Variants in PLEKHA8 observed in about 807,000 individuals in gnomAD.
PLEKHA8 encodes pleckstrin homology domain containing A8, also known as pleckstrin homology domain-containing family A member 8.
In PLEKHA8, 36 loss-of-function variants were observed where a neutral mutation model predicts 68.2. The observed-to-expected ratio is 0.53, with a 90% CI of 0.40 to 0.70. The LOEUF (loss-of-function observed/expected upper bound fraction) is 0.70, where lower values mean the gene tolerates loss of function less well. Among genes scored for constraint, PLEKHA8 ranks in the 30% least tolerant of loss-of-function variants. PLEKHA8 has a pLI of 0.00. For synonymous variants in PLEKHA8, 211 were observed against 216.1 expected (o/e 0.98, Z 0.20); for missense variants, 505 against 615.4 (o/e 0.82, Z 1.90).
intron 13 of PLEKHA8, among the ~76,000 whole-genome samples, chr7:30,109,768 C>T (rs970745395): frequency 6.6e-6 from 1 of 150,944 alleles, no homozygotes; most frequent in African/African-American, 2.4e-5. Context: ...GCCTCCCGGG[C>T]TCAAGCAATC....
At chr7:30,058,618 C>G (rs547350690) in intron 9 of PLEKHA8, among the ~76,000 whole-genome samples, 2 of 152,082 alleles carry the variant, frequency 1.3e-5, no homozygotes, top group East Asian at 3.9e-4. Flanking sequence ...TCTGGACTCT[C>G]TTTTCTGTTC....
chr7:30,030,358 C>T (rs1467537840), intron 1 of PLEKHA8, among the ~76,000 whole-genome samples: 1 of 152,088 alleles, frequency 6.6e-6, no homozygotes, highest in Non-Finnish European at 1.5e-5. Context: ...TCTCTTGATA[C>T]AGTAACTATT....
intron 13 of PLEKHA8, chr7:30,118,164 C>T (rs1202283393): frequency 3.2e-6 from 2 of 629,830 alleles, no homozygotes; most frequent in South Asian, 3.7e-5. Flanking sequence ...GAGATGCCTC[C>T]TGGAGAGAAG....
chr7:30,074,236 A>G, intron 13 of PLEKHA8, 104 bp downstream of exon 13: 1 of 964,446 alleles, frequency 1.0e-6, no homozygotes, highest in Non-Finnish European at 1.6e-6. Context: ...CATGATTGTC[A>G]GAAACAAAGT....
rs377201915 is a variant in PLEKHA8, at chr7:30,062,572, A to G, written c.1230-100A>G. ...ATTTGACCTATTCACTGCTGTGCCTAAGATGTTACTGAAATGGAAGCTGAT... is the reference window on the plus strand; with the variant it reads ...ATTTGACCTATTCACTGCTGTGCCTGAGATGTTACTGAAATGGAAGCTGAT... On this transcript the variant is annotated intron_variant, in intron 11 of 13. Coordinates refer to ENST00000449726, the MANE Select transcript of PLEKHA8 (RefSeq NM_001197026.2). 1.4e-4 allele frequency: 116 copies of G among 827,056 alleles called. 2 individuals carry two copies. The highest frequency in any genetic ancestry group is 1.3e-3 in the East Asian group (50 of 38,022). 51.2% of individuals were successfully genotyped at this position (827,056 alleles called of 1,614,324 possible).
Position 30,030,302 on chromosome 7 carries a change from G to T in PLEKHA8, c.40+1500G>T, listed in dbSNP as rs374815263. 2.8e-3 allele frequency among the ~76,000 whole-genome samples: 418 copies of T among 151,946 alleles called. 2 individuals carry two copies. Among genetic ancestry groups the T allele is most frequent in the African/African-American group, 9.6e-3 (397 of 41,426 alleles). On this transcript the variant is annotated intron_variant, in intron 1 of 13. Transcript: ENST00000449726. ...CCAACTTTTTTTGTTGTTTTGTGGGGTTTTTTCCCCCTCTTTTCCTTCTCC... is the reference window on the plus strand; with the variant it reads ...CCAACTTTTTTTGTTGTTTTGTGGGTTTTTTTCCCCCTCTTTTCCTTCTCC...
Position 30,049,334 on chromosome 7 carries a change from C to T in PLEKHA8, c.549C>T (p.Tyr183=). 6.2e-7 allele frequency: 1 copy of T among 1,614,166 alleles called. No individual in the cohort carries two copies. The highest frequency in any genetic ancestry group is 8.5e-7 in the Non-Finnish European group (1 of 1,180,028). The change falls in exon 5 of 14, where the codon TAC becomes TAT. Residue 183 remains tyrosine (Y), a synonymous_variant. Coordinates refer to ENST00000449726, the MANE Select transcript of PLEKHA8 (RefSeq NM_001197026.2). ...CAGCCTTCACCTCTGAGCTGCTCTA[C>T]CGCACTCCACCAGGATCACCTCAGC... ...ANAAFTSELL[Y]RTPPGSPQLA...
rs1005061490 is a variant in PLEKHA8 at position 30,079,779 on chromosome 7, G to A, written c.*992G>A. 1.3e-6 allele frequency: 1 copy of A among 790,324 alleles called. No homozygotes were observed. Among genetic ancestry groups the A allele is most frequent in the Non-Finnish European group, 1.5e-6 (1 of 652,464 alleles). 49.0% of individuals were successfully genotyped at this position (790,324 alleles called of 1,614,324 possible). ...ACCAGAGTCTAGGTGGTGGGACATAGGAATCTGCATTTCAGTAAACTTTAC... is the reference window on the plus strand; with the variant it reads ...ACCAGAGTCTAGGTGGTGGGACATAAGAATCTGCATTTCAGTAAACTTTAC... On this transcript the variant is annotated 3_prime_UTR_variant, in exon 14 of 14. Coordinates refer to ENST00000449726, the MANE Select transcript of PLEKHA8 (RefSeq NM_001197026.2).
chr7:30,030,595 G>C, intron 1 of PLEKHA8, among the ~76,000 whole-genome samples: 1 of 152,230 alleles, frequency 6.6e-6, no homozygotes, highest in East Asian at 1.9e-4. Flanking sequence ...CATTGCCAGA[G>C]ACAGCTGTCT....
At chr7:30,089,178 A>C (rs1446771277), downstream of PLEKHA8, among the ~76,000 whole-genome samples, 3 of 152,188 alleles carry the variant, frequency 2.0e-5, no homozygotes, top group Non-Finnish European at 2.9e-5. Flanking sequence ...ACAGACACAA[A>C]GACACGAACA....
chr7:30,080,146 A>C lies in PLEKHA8; in HGVS notation c.*1359A>C, dbSNP rs764671206. The C allele has an allele frequency of 2.4e-4, 234 of 985,272 alleles. No homozygotes were observed. The highest frequency in any genetic ancestry group is 7.4e-4 in the Admixed American group (12 of 16,264). 61.0% of individuals were successfully genotyped at this position (985,272 alleles called of 1,614,324 possible). Reference sequence around the variant, plus strand: ...TTATCAATCTCAAAAGCTTTGGGACAGTGTCATAGTTGAAAGATGAGACTT... The same window carrying C: ...TTATCAATCTCAAAAGCTTTGGGACCGTGTCATAGTTGAAAGATGAGACTT... On this transcript the variant is annotated 3_prime_UTR_variant, in exon 14 of 14. Transcript: ENST00000449726.
chr7:30,046,703 G>C (rs745581336), intron 3 of PLEKHA8, among the ~76,000 whole-genome samples: 3 of 152,148 alleles, frequency 2.0e-5, no homozygotes, highest in Non-Finnish European at 2.9e-5. Context: ...TACCTTAGGA[G>C]GATTACCATG....
intron 12 of PLEKHA8, among the ~76,000 whole-genome samples, chr7:30,066,470 C>CA (rs1326616127): frequency 6.6e-6 from 1 of 152,186 alleles, no homozygotes; most frequent in African/African-American, 2.4e-5. Context: ...TAATGATAAT[C>CA]AGAGTGGAAC....
intron 12 of PLEKHA8, among the ~76,000 whole-genome samples, chr7:30,063,166 C>T (rs1050662289): frequency 2.0e-5 from 3 of 152,184 alleles, no homozygotes; most frequent in Non-Finnish European, 4.4e-5. Context: ...TAAAGGTTTT[C>T]GTCGTCGTCG....
intron 9 of PLEKHA8, among the ~76,000 whole-genome samples, chr7:30,056,987 T>C (rs1240707738): frequency 6.7e-6 from 1 of 150,276 alleles, no homozygotes; most frequent in African/African-American, 2.4e-5. Context: ...CACTTTTACT[T>C]GTATAAAGTC....
At chr7:30,115,901 TG>T (rs930170853) in intron 13 of PLEKHA8, 3 of 141,320 alleles carry the variant, frequency 2.1e-5, no homozygotes, top group African/African-American at 8.0e-5. Context: ...TATACATGCA[TG>T]TATACATGCA....
rs111752592 is a variant in PLEKHA8, at chr7:30,082,504, G to A, written c.*3717G>A. 177 of 985,322 alleles carry A rather than the reference G, an allele frequency of 1.8e-4. 1 individual carries two copies. Among genetic ancestry groups the A allele is most frequent in the African/African-American group, 1.7e-3 (99 of 57,308 alleles). 61.0% of individuals were successfully genotyped at this position (985,322 alleles called of 1,614,324 possible). ...ATATTCCCATTTGTAGCTGGAAAGC[G>A]GGTGAATGACATGACATGGGGCACC... On this transcript the variant is annotated 3_prime_UTR_variant, in exon 14 of 14. Coordinates refer to ENST00000449726, the MANE Select transcript of PLEKHA8 (RefSeq NM_001197026.2).
At chr7:30,115,182 C>A (rs778355730) in intron 13 of PLEKHA8, among the ~76,000 whole-genome samples, 1 of 152,144 alleles carries the variant, frequency 6.6e-6, no homozygotes, top group Non-Finnish European at 1.5e-5. Context: ...TTTTGTCAAG[C>A]ATTTTAAGGC....
intron 1 of PLEKHA8, among the ~76,000 whole-genome samples, chr7:30,032,542 T>G (rs1790745195): frequency 6.6e-6 from 1 of 152,194 alleles, no homozygotes; most frequent in Non-Finnish European, 1.5e-5. Flanking sequence ...TTGCTGAAGG[T>G]CACACAGCCA....
Sources: gnomAD v4.1 joint callset for allele counts (sites outside exome capture counted in the v4.1 genomes callset) on GRCh38, gnomAD v4.1.1 for gene constraint, MANE v1.5 for transcripts, NCBI Gene and HGNC (gene_info 2026-07-23, HGNC 2026-07-21) for gene names.